DDR2: variants seen among roughly 807,000 people sequenced by gnomAD.
DDR2 encodes discoidin domain receptor tyrosine kinase 2, also known as discoidin domain-containing receptor 2.
DDR2 carries 27 observed loss-of-function variants against 94.9 expected under a neutral mutation model. That is an observed-to-expected ratio of 0.28 (90% CI 0.21 to 0.39). The LOEUF (loss-of-function observed/expected upper bound fraction) is 0.39, where lower values mean the gene tolerates loss of function less well. Ranked by LOEUF, DDR2 falls within the 10% of genes least tolerant of loss-of-function variation. The pLI is 1.00. For missense variants in DDR2, 783 were observed against 1,076.0 expected (o/e 0.73, Z 3.81); for synonymous variants, 382 against 377.2 (o/e 1.01, Z -0.15).
At chr1:162,685,088 T>C (rs1659623680) in intron 2 of DDR2, among the ~76,000 whole-genome samples, 2 of 152,190 alleles carry the variant, frequency 1.3e-5, no homozygotes, top group South Asian at 2.1e-4. Flanking sequence ...TACCTTTCAT[T>C]AACTGTGATT....
chr1:162,754,068 C>T (rs1421441718), intron 4 of DDR2, among the ~76,000 whole-genome samples: 1 of 152,144 alleles, frequency 6.6e-6, no homozygotes, highest in African/African-American at 2.4e-5. Flanking sequence ...AGTGGTAGCT[C>T]AGCCTGAAGG....
intron 7 of DDR2, 62 bp from the exon 8 acceptor site, chr1:162,759,734 A>G (rs1663623581): frequency 6.9e-6 from 11 of 1,602,586 alleles, no homozygotes; most frequent in Non-Finnish European, 9.4e-6. Flanking sequence ...AAGCTCTTCC[A>G]CGAATGTGTG....
At chr1:162,754,884 A>C in intron 5 of DDR2, 29 bp downstream of exon 5, 1 of 1,612,716 alleles carries the variant, frequency 6.2e-7, no homozygotes, top group Non-Finnish European at 8.5e-7. Context: ...CAGATCCTGG[A>C]TGTCCAAGAC....
intron 1 of DDR2, among the ~76,000 whole-genome samples, chr1:162,646,326 T>C (rs911283967): frequency 1.3e-5 from 2 of 152,338 alleles, no homozygotes; most frequent in African/African-American, 4.8e-5. Context: ...ACTTTTCTCA[T>C]TTGTGGTCTT....
At chr1:162,743,911 C>G (rs1284151242) in intron 3 of DDR2, among the ~76,000 whole-genome samples, 2 of 152,214 alleles carry the variant, frequency 1.3e-5, no homozygotes, top group Non-Finnish European at 2.9e-5. Flanking sequence ...CTTTCTGTCA[C>G]TATAGATTAA....
intron 2 of DDR2, among the ~76,000 whole-genome samples, chr1:162,672,030 C>A (rs1020716573): frequency 6.6e-6 from 1 of 152,160 alleles, no homozygotes; most frequent in Non-Finnish European, 1.5e-5. Context: ...TTTCCCTCAA[C>A]TTTAGTTCAT....
intron 3 of DDR2, among the ~76,000 whole-genome samples, chr1:162,748,621 C>G (rs972212029): frequency 6.6e-6 from 1 of 152,252 alleles, no homozygotes; most frequent in South Asian, 2.1e-4. Flanking sequence ...ACAAGGATAT[C>G]CAGGACTTGA....
chr1:162,684,812 AACACACACACACACACAC>A lies in DDR2; in HGVS notation c.-28+29464_-28+29481del, dbSNP rs56958157. On this transcript the variant is annotated intron_variant, in intron 2 of 17. Coordinates refer to ENST00000367921, the MANE Select transcript of DDR2 (RefSeq NM_006182.4). Reference sequence around the variant, plus strand: ...ACAGAAACACACAAACACACCCACCAACACACACACACACACACACACACACACACACACACACACACA... The same window carrying A: ...ACAGAAACACACAAACACACCCACCAACACACACACACACACACACACACA... Among the ~76,000 whole-genome samples, 194 of 138,046 alleles carry A rather than the reference AACACACACACACACACAC, an allele frequency of 1.4e-3. 1 individual carries two copies. Among genetic ancestry groups the A allele is most frequent in the African/African-American group, 4.7e-3 (179 of 37,984 alleles). 90.6% of individuals were successfully genotyped at this position (138,046 alleles called of 152,430 possible).
rs1656604348 is a variant in DDR2 at position 162,632,478 on chromosome 1, A to G, written c.-345A>G. 1 of 152,192 alleles carries G rather than the reference A, an allele frequency of 6.6e-6. No homozygotes were observed. Among genetic ancestry groups the G allele is most frequent in the African/African-American group, 2.4e-5 (1 of 41,434 alleles). The allele number at this position is 152,192 out of a possible 1,614,324, so 9.4% of individuals were successfully genotyped here. ...GAGGTTTCTCTCAAAGGCATCTTGC[A>G]TCAGCCTGTGGATGTATGCCTACCA... On this transcript the variant is annotated 5_prime_UTR_variant, in exon 1 of 18. Coordinates refer to ENST00000367921, the MANE Select transcript of DDR2 (RefSeq NM_006182.4).
Position 162,761,414 on chromosome 1 carries a change from A to T in DDR2, c.1059A>T (p.Ala353=), listed in dbSNP as rs1315868408. 1 of 1,614,196 alleles carries T rather than the reference A, an allele frequency of 6.2e-7. No homozygotes were observed. The highest frequency in any genetic ancestry group is 2.2e-5 in the East Asian group (1 of 44,882). The change falls in exon 9 of 18, where the codon GCA becomes GCT. Residue 353 remains alanine, a synonymous_variant. Transcript: ENST00000367921. ...CCATCAAGTGTCAATACCATTTTGC[A>T]GATACCTGGATGATGTTCAGTGAGA... ...ASAIKCQYHF[A]DTWMMFSEIT...
At chr1:162,739,249 A>G (rs1299168330) in intron 3 of DDR2, among the ~76,000 whole-genome samples, 2 of 150,748 alleles carry the variant, frequency 1.3e-5, no homozygotes, top group African/African-American at 2.4e-5. Flanking sequence ...GATGAACTCA[A>G]ACAAATTTAC....
chr1:162,728,026 T>C (rs1050908438), intron 3 of DDR2, among the ~76,000 whole-genome samples: 1 of 139,436 alleles, frequency 7.2e-6, no homozygotes, highest in Non-Finnish European at 1.5e-5. Flanking sequence ...ATAATCACAC[T>C]ATATATATCT....
intron 3 of DDR2, among the ~76,000 whole-genome samples, chr1:162,729,325 G>A (rs1210218786): frequency 2.7e-5 from 3 of 111,606 alleles, no homozygotes; most frequent in Admixed American, 9.8e-5. Flanking sequence ...TTTTTTCCTT[G>A]GGAGAATAGT....
chr1:162,732,156 G>A (rs1662084185), intron 3 of DDR2, among the ~76,000 whole-genome samples: 1 of 152,188 alleles, frequency 6.6e-6, no homozygotes, highest in Non-Finnish European at 1.5e-5. Context: ...AATCCTAAAG[G>A]TCTATTCCTA....
rs1663342452 is a variant in DDR2 at position 162,754,094 on chromosome 1, A to G, written c.186-530A>G. ...AGCCTGAAGGTAATAAAATGAAACC[A>G]GATTATTTACTACTTCCTTGACATG... On this transcript the variant is annotated intron_variant, in intron 4 of 17. Coordinates refer to ENST00000367921, the MANE Select transcript of DDR2 (RefSeq NM_006182.4). 2.6e-5 allele frequency among the ~76,000 whole-genome samples: 4 copies of G among 152,162 alleles called. 1 individual carries two copies. The South Asian group carries it at 8.3e-4, about 32-fold the overall frequency.
At chr1:162,726,219 A>T (rs1184018734) in intron 3 of DDR2, among the ~76,000 whole-genome samples, 1 of 152,240 alleles carries the variant, frequency 6.6e-6, no homozygotes, top group Non-Finnish European at 1.5e-5. Context: ...TGCTGTGATA[A>T]TGGCAGACTT....
Position 162,719,339 on chromosome 1 carries a change from C to A in DDR2, c.82+194C>A, listed in dbSNP as rs1034404776. 3 of 699,024 alleles carry A rather than the reference C, an allele frequency of 4.3e-6. No individual in the cohort carries two copies. The African/African-American group carries it at 5.8e-5, about 14-fold the overall frequency. 43.3% of individuals were successfully genotyped at this position (699,024 alleles called of 1,614,324 possible). A position where few individuals can be genotyped will look rare whatever the true frequency, so the allele number is the denominator to read the frequency against. On this transcript the variant is annotated intron_variant, in intron 3 of 17. Transcript: ENST00000367921. ...TATATATGTATTTTAATACTTACAA[C>A]CTGTTGAATATTGTAAAATATTTTC... is the stretch of plus-strand genomic sequence containing the variant.
chr1:162,742,171 T>A (rs75662057), intron 3 of DDR2, among the ~76,000 whole-genome samples: 1 of 152,374 alleles, frequency 6.6e-6, no homozygotes, highest in Middle Eastern at 3.4e-3. Flanking sequence ...ATACTTTTGA[T>A]AAGAATAGGC....
At chr1:162,727,390 A>G (rs1426420408) in intron 3 of DDR2, among the ~76,000 whole-genome samples, 2 of 144,540 alleles carry the variant, frequency 1.4e-5, no homozygotes, top group African/African-American at 5.0e-5. Context: ...AGATATATCT[A>G]TATTTATGTG....
Sources: allele counts gnomAD v4.1 joint callset (sites outside exome capture counted in the v4.1 genomes callset), GRCh38; gene constraint gnomAD v4.1.1; transcripts MANE v1.5; gene names NCBI Gene and HGNC (gene_info 2026-07-23, HGNC 2026-07-21).